The following C22orf42 variants were observed in gnomAD, a reference collection of about 807,000 sequenced individuals.
C22orf42 encodes the protein chromosome 22 open reading frame 42.
A neutral mutation model predicts 31.4 loss-of-function variants in C22orf42; 24 were observed. The observed-to-expected ratio is 0.77, with a 90% CI of 0.55 to 1.08. C22orf42 has a LOEUF of 1.08. C22orf42 is among the 50% of genes least tolerant of loss of function. The pLI is 0.00. For synonymous variants in C22orf42, 96 were observed against 112.7 expected (o/e 0.85, Z 0.94); for missense variants, 276 against 327.3 (o/e 0.84, Z 1.21).
In C22orf42 at chr22:32,150,723, C is replaced by G. The variant is rs536466613; in HGVS notation, c.494-244G>C. Reference sequence around the variant, plus strand: ...CAATGTGAAATAGTCACCTTAAGAACCAGTTAATACAGAAAAGCACTGTAC... The same window carrying G: ...CAATGTGAAATAGTCACCTTAAGAAGCAGTTAATACAGAAAAGCACTGTAC... On this transcript the variant is annotated intron_variant, in intron 6 of 8. Coordinates refer to ENST00000382097, the MANE Select transcript of C22orf42 (RefSeq NM_001010859.3). The G allele has an allele frequency of 1.6e-5, 10 of 625,044 alleles. No individual in the cohort carries two copies. The East Asian group carries it at 2.5e-4, about 15-fold the overall frequency. The allele number at this position is 625,044 out of a possible 1,614,324, so 38.7% of individuals were successfully genotyped here. A position where few individuals can be genotyped will look rare whatever the true frequency, so the allele number is the denominator to read the frequency against.
upstream of C22orf42, chr22:32,159,389 T>A (rs1270402786): frequency 7.7e-6 from 11 of 1,428,346 alleles, 1 homozygote; most frequent in African/African-American, 1.1e-4. Context: ...GTCAGGCTAG[T>A]GGCTCACAAT....
rs939680831 is a variant in C22orf42 at position 32,150,470 on chromosome 22, T to A, written c.503A>T (p.Glu168Val). The A allele has an allele frequency of 6.2e-7, 1 of 1,614,140 alleles. No homozygotes were observed. Residue 168 changes from glutamate (E) to valine (V), a missense_variant, in exon 7 of 9, where the codon GAA becomes GTA. Transcript: ENST00000382097. ...SEAKHDHHLVEDLSESLSVCL... is the reference protein window; with the variant it reads ...SEAKHDHHLVVDLSESLSVCL... ...GACAGATAGGCTTTCACTGAGATCT[T>A]CGACCAAATCTAGGAGAACATAGTG...
intron 8 of C22orf42, 43 bp from the exon 9 acceptor site, chr22:32,149,656 TATATATATATATCTAC>T (rs1569332066): frequency 8.3e-6 from 9 of 1,080,950 alleles, no homozygotes; most frequent in South Asian, 4.8e-5. Context: ...AAAAAATATA[TATATATATATATCTAC>T]ATATATGTAT....
intron 2 of C22orf42, among the ~76,000 whole-genome samples, chr22:32,153,866 A>T (rs1320765076): frequency 2.6e-5 from 4 of 152,122 alleles, no homozygotes; most frequent in African/African-American, 4.8e-5. Flanking sequence ...ACAAAAAAAA[A>T]AAAAAAAATT....
intron 6 of C22orf42, 23 bp downstream of exon 6, chr22:32,150,969 G>A: frequency 6.2e-7 from 1 of 1,605,284 alleles, no homozygotes; most frequent in Non-Finnish European, 8.5e-7. Flanking sequence ...CGTAAATAAA[G>A]CTGTTTAAAA....
chr22:32,151,754 C>G (rs912893914), intron 4 of C22orf42, among the ~76,000 whole-genome samples: 33 of 152,272 alleles, frequency 2.2e-4, no homozygotes, highest in African/African-American at 7.5e-4. Context: ...CTTGGCTTTC[C>G]AGCTAGGGCA....
chr22:32,155,451 G>C (rs529366255), intron 1 of C22orf42, among the ~76,000 whole-genome samples: 2 of 151,178 alleles, frequency 1.3e-5, no homozygotes, highest in Admixed American at 1.3e-4. Context: ...TGCTGGCCTG[G>C]AGGTGGCCTG....
Position 32,149,252 on chromosome 22 carries a change from A to T in C22orf42, c.*288T>A. 1 of 212,136 alleles carries T rather than the reference A, an allele frequency of 4.7e-6. No homozygotes were observed. Among genetic ancestry groups the T allele is most frequent in the South Asian group, 1.5e-4 (1 of 6,686 alleles). 13.1% of individuals were successfully genotyped at this position (212,136 alleles called of 1,614,324 possible). On this transcript the variant is annotated 3_prime_UTR_variant, in exon 9 of 9. Transcript: ENST00000382097. ...TGGATTCACTGTAGAAGCTGGACCC[A>T]GCTCTTCAGATGCAGCAGATGGATT...
rs1298540562 is a variant in C22orf42, at chr22:32,150,321, T to C, written c.652A>G (p.Met218Val). The change falls in exon 7 of 9, where the codon ATG becomes GTG. Residue 218 changes from methionine (M) to valine (V), a missense_variant and splice_region_variant. Physicochemically the swap from Met to Val is conservative, Grantham distance 21. Coordinates refer to ENST00000382097, the MANE Select transcript of C22orf42 (RefSeq NM_001010859.3). ...CCAGACAAAGAAATGCATCTTACCA[T>C]CTCCGGTGTCATGAGGTCTTCAAGA... ...VSLEDLMTPEMAKERYEDYLC... is the reference protein window; with the variant it reads ...VSLEDLMTPEVAKERYEDYLC... 1 of 1,613,420 alleles carries C rather than the reference T, an allele frequency of 6.2e-7. No homozygotes were observed.
rs550439661 is a variant in C22orf42, at chr22:32,151,484, T to A, written c.465+3A>T. 1.3e-5 allele frequency: 21 copies of A among 1,612,908 alleles called. No individual in the cohort carries two copies. The highest frequency in any genetic ancestry group is 1.7e-5 in the Non-Finnish European group (20 of 1,178,870). ...CTCTTCCAGAGAAAGAAATACATCT[T>A]ACAATATCTGACGTTATATTCTCCT... On this transcript the variant is annotated splice_donor_region_variant and intron_variant, in intron 5 of 8. Transcript: ENST00000382097.
Position 32,159,269 on chromosome 22 carries a change from G to T in C22orf42, c.-54C>A. 6.3e-7 allele frequency: 1 copy of T among 1,590,766 alleles called. No individual in the cohort carries two copies. The highest frequency in any genetic ancestry group is 8.5e-7 in the Non-Finnish European group (1 of 1,172,394). The stretch of plus-strand genomic sequence containing the variant: ...AGAGGCACAAGGACAGAATGTAGTC[G>T]GAGCTCCTCCTCCTTCTACGGCCAG... On this transcript the variant is annotated 5_prime_UTR_variant, in exon 1 of 9. Coordinates refer to ENST00000382097, the MANE Select transcript of C22orf42 (RefSeq NM_001010859.3).
At chr22:32,158,308 A>C (rs1921384580) in intron 1 of C22orf42, among the ~76,000 whole-genome samples, 1 of 152,162 alleles carries the variant, frequency 6.6e-6, no homozygotes, top group African/African-American at 2.4e-5. Flanking sequence ...GGCTGAAGAG[A>C]CACTCATGTC....
intron 2 of C22orf42, among the ~76,000 whole-genome samples, chr22:32,152,915 C>T (rs894338150): frequency 2.0e-5 from 3 of 152,150 alleles, no homozygotes; most frequent in African/African-American, 7.2e-5. Flanking sequence ...TCTCATCACA[C>T]CTCCTCCCCA....
In C22orf42 at chr22:32,152,602, G is replaced by A; in HGVS notation, c.332C>T (p.Ser111Phe). ...NIGPTEDVQA[S>F]AHGGVEENMT... ...ATTCTCCTCCACACCGCCGTGTGCAGACGCCTGCACATCTTCAGTGGGACC... is the reference window on the plus strand; with the variant it reads ...ATTCTCCTCCACACCGCCGTGTGCAAACGCCTGCACATCTTCAGTGGGACC... Residue 111 changes from serine (S) to phenylalanine (F), a missense_variant, in exon 3 of 9, where the codon TCT (serine) becomes TTT (phenylalanine). Transcript: ENST00000382097. 1 of 1,613,746 alleles carries A rather than the reference G, an allele frequency of 6.2e-7. No homozygotes were observed. Among genetic ancestry groups the A allele is most frequent in the Middle Eastern group, 1.7e-4 (1 of 6,054 alleles).
chr22:32,152,598 T>C lies in C22orf42; in HGVS notation c.336A>G (p.Ala112=), dbSNP rs1921026301. 1.2e-6 allele frequency: 2 copies of C among 1,613,568 alleles called. No individual in the cohort carries two copies. ...IGPTEDVQAS[A]HGGVEENMTS... ...TCATATTCTCCTCCACACCGCCGTG[T>C]GCAGACGCCTGCACATCTTCAGTGG... The change falls in exon 3 of 9, where the codon GCA becomes GCG. Residue 112 remains alanine, a synonymous_variant. Transcript: ENST00000382097.
chr22:32,152,591 C>T lies in C22orf42; in HGVS notation c.343G>A (p.Gly115Ser), dbSNP rs376913388. The T allele has an allele frequency of 2.5e-5, 41 of 1,613,552 alleles. No homozygotes were observed. Among genetic ancestry groups the T allele is most frequent in the East Asian group, 4.5e-5 (2 of 44,886 alleles). Reference sequence around the variant, plus strand: ...TCTGATGTCATATTCTCCTCCACACCGCCGTGTGCAGACGCCTGCACATCT... The same window carrying T: ...TCTGATGTCATATTCTCCTCCACACTGCCGTGTGCAGACGCCTGCACATCT... ...TEDVQASAHG[G>S]VEENMTSDIE... Residue 115 changes from glycine (G) to serine (S), a missense_variant, in exon 3 of 9, where the codon GGT becomes AGT. Coordinates refer to ENST00000382097, the MANE Select transcript of C22orf42 (RefSeq NM_001010859.3).
intron 1 of C22orf42, among the ~76,000 whole-genome samples, chr22:32,156,300 CAT>C (rs1469839602): frequency 6.6e-6 from 1 of 152,082 alleles, no homozygotes; most frequent in African/African-American, 2.4e-5. Flanking sequence ...CCAGCCTTCT[CAT>C]ATGTGACACA....
Position 32,149,540 on chromosome 22 carries a change from C to T in C22orf42, c.756G>A (p.Ter252=), listed in dbSNP as rs1001381628. The T allele has an allele frequency of 2.6e-6, 4 of 1,532,998 alleles. No homozygotes were observed. The African/African-American group carries it at 5.5e-5, about 21-fold the overall frequency. The allele number at this position is 1,532,998 out of a possible 1,614,324, so 95.0% of individuals were successfully genotyped here. ...SSQVLGLLRL[*] ...TCTGTAATCCCAGCTACTTGGAACA[C>T]TAAAGCCGGAGAAGTCCTAGAACCT... Residue 252 remains the stop codon, a stop_retained_variant, in exon 9 of 9, where the codon TAG becomes TAA. Transcript: ENST00000382097.
At chr22:32,152,462 T>G (rs1198167614) in intron 3 of C22orf42, 100 bp downstream of exon 3, 14 of 1,030,536 alleles carry the variant, frequency 1.4e-5, no homozygotes, top group Non-Finnish European at 2.1e-5. Flanking sequence ...CACTGAGGCC[T>G]GAATCATGAT....
Sources: allele counts gnomAD v4.1 joint callset (sites outside exome capture counted in the v4.1 genomes callset), GRCh38; gene constraint gnomAD v4.1.1; transcripts MANE v1.5; gene names NCBI Gene and HGNC (gene_info 2026-07-23, HGNC 2026-07-21).